The following NEK10 variants were observed in gnomAD, a reference collection of about 807,000 sequenced individuals.
NEK10 encodes the protein serine/threonine-protein kinase Nek10.
NEK10 carries 122 observed loss-of-function variants against 159.8 expected under a neutral mutation model. That is an observed-to-expected ratio of 0.76 (90% CI 0.66 to 0.89). NEK10 has a LOEUF of 0.89. Among genes scored for constraint, NEK10 ranks in the 40% least tolerant of loss-of-function variants. The pLI, the probability that NEK10 is intolerant of heterozygous loss-of-function variation, is 0.00. For missense variants in NEK10, 1,342 were observed against 1,323.1 expected (o/e 1.01, Z -0.22); for synonymous variants, 466 against 457.1 (o/e 1.02, Z -0.25).
chr3:27,133,271 T>C (rs560539765), intron 31 of NEK10, among the ~76,000 whole-genome samples: 68 of 152,258 alleles, frequency 4.5e-4, no homozygotes, highest in African/African-American at 1.3e-3. Context: ...CTTAACCTTA[T>C]CTTATTTACT....
At chr3:27,314,025 T>C (rs2044940079) in intron 7 of NEK10, among the ~76,000 whole-genome samples, 1 of 152,114 alleles carries the variant, frequency 6.6e-6, no homozygotes, top group Non-Finnish European at 1.5e-5. Flanking sequence ...TATTTCTTAT[T>C]ATTACTAGCT....
At chr3:27,127,228 G>A (rs746716662) in intron 32 of NEK10, among the ~76,000 whole-genome samples, 4 of 151,928 alleles carry the variant, frequency 2.6e-5, no homozygotes, top group Admixed American at 6.6e-5. Flanking sequence ...CATACTATCC[G>A]TAATATTTCA....
chr3:27,226,296 C>T (rs897500939), intron 23 of NEK10, among the ~76,000 whole-genome samples: 7 of 151,822 alleles, frequency 4.6e-5, no homozygotes, highest in Middle Eastern at 3.4e-3. Context: ...CTGCCTGCCT[C>T]GGCCTCCCAA....
intron 19 of NEK10, among the ~76,000 whole-genome samples, chr3:27,289,266 C>A: frequency 6.6e-6 from 1 of 152,210 alleles, no homozygotes; most frequent in East Asian, 1.9e-4. Context: ...TACTGTGAGT[C>A]CTCTTTCTAA....
chr3:27,356,600 T>C (rs2048343103), intron 1 of NEK10, among the ~76,000 whole-genome samples: 2 of 152,220 alleles, frequency 1.3e-5, no homozygotes, highest in African/African-American at 4.8e-5. Context: ...CCCATGAACA[T>C]GCCAACTATA....
intron 32 of NEK10, among the ~76,000 whole-genome samples, chr3:27,126,766 A>C (rs1405714069): frequency 1.3e-5 from 2 of 152,060 alleles, no homozygotes; most frequent in Non-Finnish European, 2.9e-5. Flanking sequence ...GAGCAAAAAA[A>C]AAACAACAAC....
chr3:27,174,683 C>T lies in NEK10; in HGVS notation c.2656G>A (p.Asp886Asn), dbSNP rs926770193. Residue 886 changes from aspartate to asparagine, a missense_variant, in exon 27 of 36, where the codon GAT becomes AAT. By Grantham distance (23) the Asp-to-Asn change is conservative. Transcript: ENST00000691995. ...GCATTTTCCAGGTTGAAGTTATCAT[C>T]TGACAGGATTTCGTCACAGGCCCTG... The part of the protein sequence containing the change: ...EDRACDEILS[D>N]DNFNLENAEK... The T allele has an allele frequency of 2.5e-6, 4 of 1,612,204 alleles. No homozygotes were observed. The highest frequency in any genetic ancestry group is 2.5e-6 in the Non-Finnish European group (3 of 1,179,396).
At position 27,369,032 on chromosome 3, in the gene NEK10, T is replaced by G. The variant is rs994741390; in HGVS notation, c.-38+193A>C. The G allele has an allele frequency of 6.6e-6, 1 of 152,426 alleles. No individual in the cohort carries two copies. The highest frequency in any genetic ancestry group is 2.1e-4 in the South Asian group (1 of 4,832). The allele number at this position is 152,426 out of a possible 1,614,324, so 9.4% of individuals were successfully genotyped here. A position where few individuals can be genotyped will look rare whatever the true frequency, so the allele number is the denominator to read the frequency against. On this transcript the variant is annotated intron_variant, in intron 1 of 35. Transcript: ENST00000691995. This position sits in a 1 kb window ranked among gnomAD's most constrained non-coding sequence, Gnocchi z 4.2. ...TCCATCCGTCCAACACAAACCCACC[T>G]GCTTTGAAAAGACTGCCTCACGCAG...
chr3:27,280,950 C>CATAT (rs376043957), intron 22 of NEK10, among the ~76,000 whole-genome samples: 2 of 136,302 alleles, frequency 1.5e-5, no homozygotes, highest in African/African-American at 3.1e-5. Context: ...TATGTATATG[C>CATAT]ATATATATAT....
rs746143797 is a variant in NEK10, at chr3:27,256,276, C to T, written c.2090+20G>A. 3 of 1,212,020 alleles carry T rather than the reference C, an allele frequency of 2.5e-6. No individual in the cohort carries two copies. The highest frequency in any genetic ancestry group is 3.4e-6 in the Non-Finnish European group (3 of 874,032). 75.1% of individuals were successfully genotyped at this position (1,212,020 alleles called of 1,614,324 possible). A position where few individuals can be genotyped will look rare whatever the true frequency, so the allele number is the denominator to read the frequency against. ...TCAGTTAAGTATGATGTTTGAGAGC[C>T]ATAAAAGAATTGTCCTTACCAAGAA... On this transcript the variant is annotated intron_variant, in intron 23 of 35. Transcript: ENST00000691995.
rs78183177 is a variant in NEK10 at position 27,363,043 on chromosome 3, C to T, written c.-38+6182G>A. On this transcript the variant is annotated intron_variant, in intron 1 of 35. Coordinates refer to ENST00000691995, the MANE Select transcript of NEK10 (RefSeq NM_001394966.1). ...ATTTACCAAGGTCTGAGAGGTGCTG[C>T]GTGCAATTGGCGCTCCTGGCCACCC... 4.3e-3 allele frequency among the ~76,000 whole-genome samples: 662 copies of T among 152,272 alleles called. 9 individuals are homozygous for T. The highest frequency in any genetic ancestry group is 0.015 in the African/African-American group (635 of 41,546).
chr3:27,299,644 T>A (rs553936604), intron 13 of NEK10, among the ~76,000 whole-genome samples: 7 of 152,122 alleles, frequency 4.6e-5, no homozygotes, highest in East Asian at 1.9e-4. Context: ...CATCAACCCA[T>A]GAAAGCAGCC....
At chr3:27,147,217 G>C (rs1437390768) in intron 30 of NEK10, among the ~76,000 whole-genome samples, 1 of 152,194 alleles carries the variant, frequency 6.6e-6, no homozygotes, top group Non-Finnish European at 1.5e-5. Flanking sequence ...GTGCACTGTA[G>C]CTGTTTCCAC....
chr3:27,284,263 T>A (rs2042413118), intron 22 of NEK10, among the ~76,000 whole-genome samples: 1 of 152,014 alleles, frequency 6.6e-6, no homozygotes, highest in South Asian at 2.1e-4. Flanking sequence ...CGGGTGCCCA[T>A]AATCCCAGCT....
chr3:27,359,823 A>G (rs2048558649), intron 1 of NEK10, among the ~76,000 whole-genome samples: 1 of 152,236 alleles, frequency 6.6e-6, no homozygotes, highest in Admixed American at 6.5e-5. Context: ...TGTATTCACC[A>G]CTTCAGCAGT....
At chr3:27,314,840 C>T (rs1025364373) in intron 6 of NEK10, among the ~76,000 whole-genome samples, 1 of 152,192 alleles carries the variant, frequency 6.6e-6, no homozygotes, top group African/African-American at 2.4e-5. Flanking sequence ...CAGAATCCTG[C>T]ACCCACCCCA....
At chr3:27,115,677 T>C (rs1018362590) in intron 35 of NEK10, among the ~76,000 whole-genome samples, 1 of 152,196 alleles carries the variant, frequency 6.6e-6, no homozygotes, top group South Asian at 2.1e-4. Flanking sequence ...TTACTTATAT[T>C]TATGATTTTT....
intron 26 of NEK10, among the ~76,000 whole-genome samples, chr3:27,191,500 T>C (rs1949119207): frequency 6.6e-6 from 1 of 152,244 alleles, no homozygotes; most frequent in Non-Finnish European, 1.5e-5. Flanking sequence ...CCAAGCAATG[T>C]TCAGAAATAT....
At position 27,116,143 on chromosome 3, in the gene NEK10, T is replaced by A; in HGVS notation, c.3191-16A>T. On this transcript the variant is annotated splice_polypyrimidine_tract_variant and intron_variant, in intron 33 of 35. Transcript: ENST00000691995. ...GTTGGTAAACCTAAAAAAGATAAAT[T>A]ATGGAAAGTCTGACATTTGGGTTCA... 6.2e-7 allele frequency: 1 copy of A among 1,611,696 alleles called. No individual in the cohort carries two copies. Among genetic ancestry groups the A allele is most frequent in the South Asian group, 1.1e-5 (1 of 90,958 alleles).
Sources: allele counts gnomAD v4.1 joint callset (sites outside exome capture counted in the v4.1 genomes callset), GRCh38; gene constraint gnomAD v4.1.1; non-coding constraint Gnocchi (gnomAD v3.1); transcripts MANE v1.5; gene names NCBI Gene and HGNC (gene_info 2026-07-23, HGNC 2026-07-21).